Variants in CNST observed in about 807,000 individuals in gnomAD.
CNST encodes the protein consortin.
Under a neutral mutation model 72.4 loss-of-function variants are expected in CNST, and 39 were observed. That is an observed-to-expected ratio of 0.54 (90% CI 0.42 to 0.70). The LOEUF (loss-of-function observed/expected upper bound fraction) is 0.70, where lower values mean the gene tolerates loss of function less well. Ranked by LOEUF, CNST falls within the 30% of genes least tolerant of loss-of-function variation. The pLI, the probability that CNST is intolerant of heterozygous loss-of-function variation, is 0.00. For missense variants in CNST, 871 were observed against 868.5 expected, an observed-to-expected ratio of 1.00 and a Z score of -0.04; for synonymous variants, 332 against 320.1, an observed-to-expected ratio of 1.04 and a Z score of -0.40.
At chr1:246,575,842 A>T (rs1002063619) in intron 1 of CNST, among the ~76,000 whole-genome samples, 2 of 152,196 alleles carry the variant, frequency 1.3e-5, no homozygotes, top group Admixed American at 6.5e-5. Context: ...TAGCATTTTT[A>T]AAAATTCCCT....
At chr1:246,650,613 A>G (rs1358178489) in intron 9 of CNST, among the ~76,000 whole-genome samples, 2 of 152,062 alleles carry the variant, frequency 1.3e-5, no homozygotes, top group African/African-American at 4.8e-5. Flanking sequence ...TTATAAGTGC[A>G]AACTTAGGAT....
At chr1:246,606,804 G>GA (rs1662869700) in intron 2 of CNST, 1 of 152,322 alleles carries the variant, frequency 6.6e-6, no homozygotes, top group African/African-American at 2.4e-5. Context: ...GCCTGCTTTG[G>GA]AAGTAAGATG....
At chr1:246,634,112 A>T in intron 5 of CNST, 102 bp downstream of exon 5, 2 of 773,756 alleles carry the variant, frequency 2.6e-6, no homozygotes, top group Non-Finnish European at 4.4e-6. Context: ...CAGAAAATAG[A>T]TGTTTCCATA....
chr1:246,573,278 T>A (rs550074956), intron 1 of CNST, among the ~76,000 whole-genome samples: 1 of 152,352 alleles, frequency 6.6e-6, no homozygotes, highest in South Asian at 2.1e-4. Flanking sequence ...TTAGAGGTAA[T>A]ACCCTTGCTC....
intron 2 of CNST, among the ~76,000 whole-genome samples, chr1:246,619,312 C>T (rs1333560041): frequency 6.6e-6 from 1 of 152,168 alleles, no homozygotes; most frequent in Non-Finnish European, 1.5e-5. Flanking sequence ...TAAAAAATGG[C>T]AGGCCATCAC....
At chr1:246,623,069 C>A (rs1008111878) in intron 3 of CNST, among the ~76,000 whole-genome samples, 4 of 152,160 alleles carry the variant, frequency 2.6e-5, no homozygotes, top group Admixed American at 6.5e-5. Context: ...GTGATCCACC[C>A]GCCTCGGCCT....
At chr1:246,635,599 C>T (rs547298511) in intron 6 of CNST, among the ~76,000 whole-genome samples, 134 of 152,252 alleles carry the variant, frequency 8.8e-4, no homozygotes, top group African/African-American at 2.8e-3. Context: ...CCCTCTTCTG[C>T]TAATAAGTAG....
At chr1:246,604,249 A>G (rs902124983) in intron 2 of CNST, among the ~76,000 whole-genome samples, 6 of 151,974 alleles carry the variant, frequency 3.9e-5, no homozygotes, top group Admixed American at 3.9e-4. Flanking sequence ...GCAAGACTCC[A>G]TCTCAAAAAA....
At chr1:246,650,484 C>G (rs746974592) in intron 9 of CNST, among the ~76,000 whole-genome samples, 4 of 152,140 alleles carry the variant, frequency 2.6e-5, no homozygotes, top group Non-Finnish European at 5.9e-5. Flanking sequence ...CTGCCTAACT[C>G]TGTCAGGAAA....
chr1:246,642,222 G>A (rs960022424), intron 8 of CNST, among the ~76,000 whole-genome samples, 185 bp downstream of exon 8: 2 of 144,826 alleles, frequency 1.4e-5, no homozygotes, highest in African/African-American at 5.4e-5. Context: ...ATATTGGGTA[G>A]CTCCACATTT....
intron 1 of CNST, among the ~76,000 whole-genome samples, chr1:246,567,354 T>TTA (rs3840435): frequency 3.4e-5 from 2 of 59,296 alleles, no homozygotes; most frequent in African/African-American, 1.1e-4. Flanking sequence ...TTTGGCAGTC[T>TTA]TTTTTTTTTT....
Position 246,591,775 on chromosome 1 carries a change from T to G in CNST, c.213T>G (p.Asn71Lys). The G allele has an allele frequency of 6.2e-7, 1 of 1,613,988 alleles. No homozygotes were observed. The highest frequency in any genetic ancestry group is 8.5e-7 in the Non-Finnish European group (1 of 1,179,996). Residue 71 changes from asparagine to lysine, a missense_variant, in exon 2 of 11, where the codon AAT becomes AAG. Coordinates refer to ENST00000366513, the MANE Select transcript of CNST (RefSeq NM_152609.3). ...TGTCTGAGCAGGACAGTCTCAATAA[T>G]AATGAAAGCTGCACATTGAGCTGCG... is the stretch of plus-strand genomic sequence containing the variant. Reference protein sequence around the residue: ...PQVSEQDSLNNNESCTLSCEV... With the variant: ...PQVSEQDSLNKNESCTLSCEV...
chr1:246,574,471 G>T (rs1660266726), intron 1 of CNST, among the ~76,000 whole-genome samples: 1 of 152,080 alleles, frequency 6.6e-6, no homozygotes, highest in South Asian at 2.1e-4. Context: ...TATCACCCAG[G>T]TTGCCATGCA....
Position 246,665,990 on chromosome 1 carries a change from C to A in CNST, c.*85C>A. ...AGTTTTTCTTTCAGGAATTCTGTAG[C>A]ATTCCCCCTTCCCTCTGTTAGGAAC... On this transcript the variant is annotated 3_prime_UTR_variant, in exon 11 of 11. Transcript: ENST00000366513. 3 of 947,996 alleles carry A rather than the reference C, an allele frequency of 3.2e-6. No individual in the cohort carries two copies. The highest frequency in any genetic ancestry group is 4.8e-6 in the Non-Finnish European group (3 of 625,758). 58.7% of individuals were successfully genotyped at this position (947,996 alleles called of 1,614,324 possible).
In CNST at chr1:246,655,640, T is replaced by C. The variant is rs377271183; in HGVS notation, c.1837-4559T>C. On this transcript the variant is annotated intron_variant, in intron 9 of 10. Transcript: ENST00000366513. ...AAAGTTCTATTAATCTTGTTTTAAT[T>C]GTAATATATATTATAGCATATGGCA... Among the ~76,000 whole-genome samples the C allele has an allele frequency of 9.2e-5, 14 of 152,306 alleles. 1 individual carries two copies. The East Asian group carries it at 2.7e-3, about 29-fold the overall frequency.
intron 8 of CNST, among the ~76,000 whole-genome samples, chr1:246,645,522 G>A (rs1666001211): frequency 6.8e-6 from 1 of 146,098 alleles, no homozygotes; most frequent in South Asian, 2.1e-4. Context: ...CCGCCTCCCG[G>A]GTTCACGCCA....
At chr1:246,594,644 C>T (rs1201615949) in intron 2 of CNST, among the ~76,000 whole-genome samples, 1 of 152,136 alleles carries the variant, frequency 6.6e-6, no homozygotes, top group Non-Finnish European at 1.5e-5. Flanking sequence ...TGGCATGCAC[C>T]TGTAGTCCCA....
rs575821185 is a variant in CNST at position 246,667,416 on chromosome 1, G to C, written c.*1511G>C. On this transcript the variant is annotated 3_prime_UTR_variant, in exon 11 of 11. Transcript: ENST00000366513. ...AGTGTTTTGATTTTCTATAATTTCAGTTCCGCGTGTTTTTACACTTGTTCA... is the reference window on the plus strand; with the variant it reads ...AGTGTTTTGATTTTCTATAATTTCACTTCCGCGTGTTTTTACACTTGTTCA... 2 of 152,136 alleles carry C rather than the reference G, an allele frequency of 1.3e-5. No individual in the cohort carries two copies. The highest frequency in any genetic ancestry group is 4.8e-5 in the African/African-American group (2 of 41,518). 9.4% of individuals were successfully genotyped at this position (152,136 alleles called of 1,614,324 possible).
chr1:246,583,485 G>A (rs1660929856), intron 1 of CNST, among the ~76,000 whole-genome samples: 1 of 152,200 alleles, frequency 6.6e-6, no homozygotes, highest in South Asian at 2.1e-4. Context: ...ACCTGCTAGA[G>A]TATCAGCTCT....
Sources: gnomAD v4.1 joint callset for allele counts (sites outside exome capture counted in the v4.1 genomes callset) on GRCh38, gnomAD v4.1.1 for gene constraint, MANE v1.5 for transcripts, NCBI Gene and HGNC (gene_info 2026-07-23, HGNC 2026-07-21) for gene names.